The following DACH1 variants were observed in gnomAD, a reference collection of about 807,000 sequenced individuals.
DACH1 encodes the protein dachshund homolog 1.
In DACH1, 12 loss-of-function variants were observed where a neutral mutation model predicts 54.2. The observed-to-expected ratio is 0.22, with a 90% CI of 0.14 to 0.36. DACH1 has a LOEUF of 0.36. Among genes scored for constraint, DACH1 ranks in the 10% least tolerant of loss-of-function variants. The probability of loss-of-function intolerance (pLI) is 1.00; values close to 1 mark genes in which losing one functional copy is unlikely to be tolerated. For missense variants in DACH1, 805 were observed against 929.8 expected, an observed-to-expected ratio of 0.87 and a Z score of 1.75; for synonymous variants, 386 against 366.2, an observed-to-expected ratio of 1.05 and a Z score of -0.62.
chr13:71,653,199 A>G (rs546616512), intron 2 of DACH1, among the ~76,000 whole-genome samples: 3 of 152,300 alleles, frequency 2.0e-5, no homozygotes, highest in Admixed American at 2.0e-4. Flanking sequence ...AGAAAGCAGC[A>G]CAATAAACCC....
chr13:71,694,309 A>G (rs901383225), intron 1 of DACH1, among the ~76,000 whole-genome samples: 6 of 151,842 alleles, frequency 4.0e-5, no homozygotes, highest in African/African-American at 1.5e-4. Context: ...CACCAACTCC[A>G]GAATTCAGAG....
At chr13:71,679,434 C>T (rs1880764603) in intron 2 of DACH1, among the ~76,000 whole-genome samples, 1 of 152,050 alleles carries the variant, frequency 6.6e-6, no homozygotes, top group African/African-American at 2.4e-5. Context: ...GTATCATCTT[C>T]ATCTTAAAAG....
chr13:71,618,694 T>C (rs1295465595), intron 3 of DACH1, among the ~76,000 whole-genome samples: 1 of 151,948 alleles, frequency 6.6e-6, no homozygotes, highest in Non-Finnish European at 1.5e-5. Flanking sequence ...AAAAATAATG[T>C]ATAAATGACT....
At chr13:71,603,337 A>G (rs1362700504) in intron 3 of DACH1, among the ~76,000 whole-genome samples, 3 of 152,016 alleles carry the variant, frequency 2.0e-5, no homozygotes, top group African/African-American at 7.2e-5. Flanking sequence ...CCTAGTTTAA[A>G]GTCACTGTAA....
chr13:71,632,485 T>A (rs1471077625), intron 2 of DACH1, among the ~76,000 whole-genome samples: 1 of 151,696 alleles, frequency 6.6e-6, no homozygotes, highest in East Asian at 1.9e-4. Flanking sequence ...GCCGTTCGAA[T>A]TTATCTGTGT....
At chr13:71,862,884 A>G (rs886321207) in intron 1 of DACH1, among the ~76,000 whole-genome samples, 25 of 152,202 alleles carry the variant, frequency 1.6e-4, no homozygotes, top group Admixed American at 3.3e-4. Flanking sequence ...CTCATTGTAT[A>G]TAAATTATGA....
intron 6 of DACH1, among the ~76,000 whole-genome samples, chr13:71,528,425 CTTTTTTTTT>C (rs71198120): frequency 9.0e-6 from 1 of 111,126 alleles, no homozygotes; most frequent in Non-Finnish European, 1.7e-5. Flanking sequence ...AACAGATTTT[CTTTTTTTTT>C]TTTTTTTTTT....
intron 2 of DACH1, among the ~76,000 whole-genome samples, chr13:71,662,762 A>G (rs1205995358): frequency 6.6e-6 from 1 of 151,988 alleles, no homozygotes; most frequent in Admixed American, 6.6e-5. Context: ...TGAAGTTTTG[A>G]GTTGAATCAT....
At chr13:71,648,852 C>A (rs1056171170) in intron 2 of DACH1, among the ~76,000 whole-genome samples, 1 of 152,126 alleles carries the variant, frequency 6.6e-6, no homozygotes, top group Non-Finnish European at 1.5e-5. Context: ...CCCTTTCCTG[C>A]CATTTATGCG....
chr13:71,530,262 T>C (rs1882324849), intron 6 of DACH1, among the ~76,000 whole-genome samples: 1 of 152,200 alleles, frequency 6.6e-6, no homozygotes, highest in Non-Finnish European at 1.5e-5. Flanking sequence ...TATTGCTATA[T>C]ATCAATTCAG....
chr13:71,583,853 T>G (rs1306886697), intron 3 of DACH1, among the ~76,000 whole-genome samples: 1 of 152,058 alleles, frequency 6.6e-6, no homozygotes, highest in Admixed American at 6.6e-5. Context: ...ATAAGAATCA[T>G]CATCATCCAG....
intron 1 of DACH1, among the ~76,000 whole-genome samples, chr13:71,741,454 AT>A (rs1462025508): frequency 2.6e-5 from 4 of 152,206 alleles, no homozygotes; most frequent in Non-Finnish European, 5.9e-5. Flanking sequence ...AAGTATTAAA[AT>A]GAAAAAGAGA....
intron 1 of DACH1, among the ~76,000 whole-genome samples, chr13:71,857,733 T>C (rs1874097518): frequency 6.6e-6 from 1 of 151,730 alleles, no homozygotes; most frequent in Admixed American, 6.6e-5. Flanking sequence ...AAAGGCACTA[T>C]TTAAGTGTAA....
intron 3 of DACH1, among the ~76,000 whole-genome samples, chr13:71,608,945 T>C (rs1448243313): frequency 6.6e-6 from 1 of 152,030 alleles, no homozygotes; most frequent in Admixed American, 6.6e-5. Flanking sequence ...CTGAGGAAGA[T>C]AAAACAGGAA....
At chr13:71,516,101 T>A (rs913569297) in intron 6 of DACH1, among the ~76,000 whole-genome samples, 1 of 151,872 alleles carries the variant, frequency 6.6e-6, no homozygotes, top group Non-Finnish European at 1.5e-5. Context: ...GATAGGCAGT[T>A]CCATTCCATT....
rs138484377 is a variant in DACH1, at chr13:71,810,666, T to C, written c.848+55256A>G. Among the ~76,000 whole-genome samples, 213 of 152,306 alleles carry C rather than the reference T, an allele frequency of 1.4e-3. 1 individual carries two copies. The highest frequency in any genetic ancestry group is 4.9e-3 in the African/African-American group (203 of 41,592). On this transcript the variant is annotated intron_variant, in intron 1 of 10. Transcript: ENST00000613252. ...TAAAGAAAAAATGGATTGATTGCTC[T>C]AATCTTTTAGCACAATGATATCTAA...
intron 10 of DACH1, among the ~76,000 whole-genome samples, 183 bp downstream of exon 10, chr13:71,474,953 GTTAAT>G (rs1356618923): frequency 6.6e-6 from 1 of 152,118 alleles, no homozygotes; most frequent in Non-Finnish European, 1.5e-5. Context: ...GAGATGACCT[GTTAAT>G]TTAAAGAAAA....
intron 1 of DACH1, among the ~76,000 whole-genome samples, chr13:71,720,241 T>A (rs948268771): frequency 6.6e-6 from 1 of 152,152 alleles, no homozygotes; most frequent in African/African-American, 2.4e-5. Context: ...TATTCCAGCA[T>A]GTGAAGGGGA....
chr13:71,666,580 G>A (rs760234546), intron 2 of DACH1, among the ~76,000 whole-genome samples: 1 of 152,050 alleles, frequency 6.6e-6, no homozygotes, highest in African/African-American at 2.4e-5. Flanking sequence ...AAATAAATCA[G>A]TTGAACATGT....
Sources: allele counts gnomAD v4.1 joint callset (sites outside exome capture counted in the v4.1 genomes callset), GRCh38; gene constraint gnomAD v4.1.1; transcripts MANE v1.5; gene names NCBI Gene and HGNC (gene_info 2026-07-23, HGNC 2026-07-21).